The following MAGI2 variants were observed in gnomAD, a reference collection of about 807,000 sequenced individuals.
The protein encoded by MAGI2 is membrane associated guanylate kinase, WW and PDZ domain containing 2.
MAGI2 carries 35 observed loss-of-function variants against 133.3 expected under a neutral mutation model. The observed-to-expected ratio is 0.26, with a 90% CI of 0.20 to 0.35. The LOEUF is 0.35. MAGI2 is among the 10% of genes least tolerant of loss of function. The pLI is 1.00. For synonymous variants in MAGI2, 729 were observed against 710.6 expected, an observed-to-expected ratio of 1.03 and a Z score of -0.41; for missense variants, 1,636 against 1,863.4, an observed-to-expected ratio of 0.88 and a Z score of 2.25.
In MAGI2 at chr7:79,175,271, G is replaced by T. The variant is rs185980977; in HGVS notation, c.302-168065C>A. ...TGTGTTGATAGATGTGGAGATTATA[G>T]GTAATTTTCAATTTTCTTCTTTATA... On this transcript the variant is annotated intron_variant, in intron 1 of 21. Coordinates refer to ENST00000354212, the MANE Select transcript of MAGI2 (RefSeq NM_012301.4). Among the ~76,000 whole-genome samples the T allele has an allele frequency of 9.2e-4, 139 of 151,856 alleles. 2 individuals are homozygous for T. Among genetic ancestry groups the T allele is most frequent in the African/African-American group, 3.2e-3 (134 of 41,356 alleles).
At chr7:78,558,301 C>T (rs563835479) in intron 3 of MAGI2, among the ~76,000 whole-genome samples, 5 of 152,178 alleles carry the variant, frequency 3.3e-5, no homozygotes, top group African/African-American at 1.2e-4. Context: ...TGTGCTAAAT[C>T]AGTGTGTGAG....
intron 16 of MAGI2, among the ~76,000 whole-genome samples, chr7:78,147,033 T>C (rs539651828): frequency 7.9e-5 from 12 of 152,286 alleles, no homozygotes; most frequent in Admixed American, 2.6e-4. Context: ...AGGCAAATGA[T>C]CCCTCCTGAG....
chr7:78,119,623 G>A (rs1003447471), intron 20 of MAGI2, among the ~76,000 whole-genome samples: 4 of 149,892 alleles, frequency 2.7e-5, no homozygotes, highest in Non-Finnish European at 4.4e-5. Context: ...TGTAAACTAT[G>A]GACTCTGGGT....
intron 1 of MAGI2, among the ~76,000 whole-genome samples, chr7:79,327,777 G>A (rs1436578289): frequency 6.6e-6 from 1 of 152,016 alleles, no homozygotes; most frequent in Non-Finnish European, 1.5e-5. Context: ...ACAGTCAAAT[G>A]CAAAGAGAAA....
chr7:78,524,161 G>C (rs1796749525), intron 3 of MAGI2, among the ~76,000 whole-genome samples: 1 of 152,134 alleles, frequency 6.6e-6, no homozygotes, highest in African/African-American at 2.4e-5. Flanking sequence ...TTTGATTTCA[G>C]TAGAGGGAGA....
At chr7:78,815,303 C>T (rs1291703018) in intron 2 of MAGI2, among the ~76,000 whole-genome samples, 1 of 152,144 alleles carries the variant, frequency 6.6e-6, no homozygotes, top group Non-Finnish European at 1.5e-5. Flanking sequence ...ATTTTAAAAT[C>T]ATTTTCTGCT....
chr7:78,066,968 G>T (rs3807758), intron 21 of MAGI2, among the ~76,000 whole-genome samples: 17,636 of 152,226 alleles, frequency 0.12, 1,253 homozygotes, highest in Middle Eastern at 0.18. Flanking sequence ...GAATGGAATT[G>T]CACTCCACAT....
chr7:78,098,241 ATGAG>A (rs1308486997), intron 20 of MAGI2, among the ~76,000 whole-genome samples: 1 of 152,132 alleles, frequency 6.6e-6, no homozygotes, highest in Non-Finnish European at 1.5e-5. Context: ...TCTGTAATTG[ATGAG>A]TGTCTTTCTA....
At chr7:78,984,560 T>C (rs1359076077) in intron 2 of MAGI2, among the ~76,000 whole-genome samples, 1 of 151,930 alleles carries the variant, frequency 6.6e-6, no homozygotes. Context: ...CTGTCCACTC[T>C]GTTTAGAAGG....
intron 1 of MAGI2, among the ~76,000 whole-genome samples, chr7:79,262,609 C>T (rs962150637): frequency 3.3e-5 from 5 of 152,046 alleles, no homozygotes; most frequent in Admixed American, 3.3e-4. Flanking sequence ...ACTTTTTTGG[C>T]TGAAGCAAAG....
intron 3 of MAGI2, among the ~76,000 whole-genome samples, chr7:78,547,457 G>T (rs987921648): frequency 6.6e-6 from 1 of 152,226 alleles, no homozygotes; most frequent in African/African-American, 2.4e-5. Context: ...TGGTATGATT[G>T]TTCTAGACTT....
chr7:79,010,656 GCA>G (rs1807989976), intron 1 of MAGI2, among the ~76,000 whole-genome samples: 1 of 152,162 alleles, frequency 6.6e-6, no homozygotes, highest in South Asian at 2.1e-4. Flanking sequence ...GTTGAGCAGA[GCA>G]CTGGCAACAT....
At chr7:78,140,109 C>G (rs1822595520) in intron 16 of MAGI2, among the ~76,000 whole-genome samples, 1 of 152,164 alleles carries the variant, frequency 6.6e-6, no homozygotes, top group African/African-American at 2.4e-5. Context: ...TCTACTCCGG[C>G]TCCTTCAGTC....
intron 1 of MAGI2, among the ~76,000 whole-genome samples, chr7:79,130,182 A>T (rs1248572897): frequency 6.7e-6 from 1 of 150,104 alleles, no homozygotes; most frequent in East Asian, 2.0e-4. Context: ...TTAGCTGGCC[A>T]TGGTGGTGGG....
rs1029579613 is a variant in MAGI2, at chr7:79,190,052, AT to A, written c.302-182847del. Among the ~76,000 whole-genome samples the A allele has an allele frequency of 3.1e-4, 47 of 151,488 alleles. 1 individual carries two copies. The highest frequency in any genetic ancestry group is 1.0e-3 in the African/African-American group (41 of 41,184). ...TTGAAGGACATTTTGGTGGCTTTAA[AT>A]TTTTTTTGTCATTATGAATAAAGCT... On this transcript the variant is annotated intron_variant, in intron 1 of 21. Coordinates refer to ENST00000354212, the MANE Select transcript of MAGI2 (RefSeq NM_012301.4).
At chr7:79,240,962 A>C (rs969120126) in intron 1 of MAGI2, among the ~76,000 whole-genome samples, 8 of 152,248 alleles carry the variant, frequency 5.3e-5, no homozygotes, top group Admixed American at 3.3e-4. Flanking sequence ...AAAAGTAAAC[A>C]GATATGTAGT....
chr7:78,785,676 C>T (rs375227111), intron 2 of MAGI2, among the ~76,000 whole-genome samples: 4 of 152,114 alleles, frequency 2.6e-5, no homozygotes, highest in Non-Finnish European at 5.9e-5. Context: ...TTTATTTCTC[C>T]TCTTTCCTGT....
chr7:79,174,129 C>A (rs1000596059), intron 1 of MAGI2, among the ~76,000 whole-genome samples: 1 of 151,934 alleles, frequency 6.6e-6, no homozygotes, highest in South Asian at 2.1e-4. Context: ...CGTGTGTCAG[C>A]GTGTTCTAGA....
At position 78,216,589 on chromosome 7, in the gene MAGI2, C is replaced by A. The variant is rs115390072; in HGVS notation, c.2048-15396G>T. ...GGGACCTTCTTTCAGACTCTTCAGT[C>A]TCCCTCTTACCACAAGGTCATTGAG... On this transcript the variant is annotated intron_variant, in intron 10 of 21. Transcript: ENST00000354212. Among the ~76,000 whole-genome samples the A allele has an allele frequency of 4.9e-3, 749 of 152,314 alleles. 5 individuals carry two copies. Among genetic ancestry groups the A allele is most frequent in the African/African-American group, 0.016 (670 of 41,572 alleles).
Sources: gnomAD v4.1 joint callset for allele counts (sites outside exome capture counted in the v4.1 genomes callset) on GRCh38, gnomAD v4.1.1 for gene constraint, MANE v1.5 for transcripts, NCBI Gene and HGNC (gene_info 2026-07-23, HGNC 2026-07-21) for gene names.